ATP8A1: variants seen among roughly 807,000 people sequenced by gnomAD.
The protein encoded by ATP8A1 is phospholipid-transporting ATPase IA.
ATP8A1 carries 90 observed loss-of-function variants against 177.7 expected under a neutral mutation model. That is an observed-to-expected ratio of 0.51 (90% CI 0.43 to 0.60). The LOEUF (loss-of-function observed/expected upper bound fraction) is 0.60, where lower values mean the gene tolerates loss of function less well. Among genes scored for constraint, ATP8A1 ranks in the 20% least tolerant of loss-of-function variants. The pLI, the probability that ATP8A1 is intolerant of heterozygous loss-of-function variation, is 0.00. For missense variants in ATP8A1, 1,072 were observed against 1,392.8 expected, an observed-to-expected ratio of 0.77 and a Z score of 3.67; for synonymous variants, 493 against 485.9, an observed-to-expected ratio of 1.01 and a Z score of -0.19.
intron 20 of ATP8A1, among the ~76,000 whole-genome samples, chr4:42,525,340 C>T (rs545818976): frequency 2.6e-5 from 4 of 152,268 alleles, no homozygotes; most frequent in Admixed American, 6.5e-5. Context: ...GCCCCAAACT[C>T]GTTGAATCAC....
At chr4:42,502,776 T>A (rs1723982893) in intron 24 of ATP8A1, among the ~76,000 whole-genome samples, 1 of 152,246 alleles carries the variant, frequency 6.6e-6, no homozygotes, top group Non-Finnish European at 1.5e-5. Flanking sequence ...TGCGTCATAA[T>A]GACTATTTTA....
chr4:42,489,626 T>G (rs1722544017), intron 24 of ATP8A1, among the ~76,000 whole-genome samples: 1 of 152,240 alleles, frequency 6.6e-6, no homozygotes, highest in East Asian at 1.9e-4. Flanking sequence ...AGCTCTGTTG[T>G]TAGCTGTGTG....
In ATP8A1 at chr4:42,410,916, C is replaced by T. The variant is rs553146498; in HGVS notation, c.*2000G>A. 6.6e-6 allele frequency: 1 copy of T among 152,288 alleles called. No homozygotes were observed. Among genetic ancestry groups the T allele is most frequent in the South Asian group, 2.1e-4 (1 of 4,818 alleles). The allele number at this position is 152,288 out of a possible 1,614,324, so 9.4% of individuals were successfully genotyped here. A position where few individuals can be genotyped will look rare whatever the true frequency, so the allele number is the denominator to read the frequency against. On this transcript the variant is annotated 3_prime_UTR_variant, in exon 37 of 37. Transcript: ENST00000381668. ...CAGAATTAAACACTACAAAGTGTTT[C>T]TCTGGAGGGGTGCATTTCACTCTTG...
Position 42,422,818 on chromosome 4 carries a change from T to A in ATP8A1, c.3294A>T (p.Val1098=). ...ACTGTGTATTTTACCTTTTTCCAAGTACAACTGCTCCTGGGTCTTGAGATT... is the reference window on the plus strand; with the variant it reads ...ACTGTGTATTTTACCTTTTTCCAAGAACAACTGCTCCTGGGTCTTGAGATT... ...EAKSQDPGAV[V]LGKSLTERAQ... The change falls in exon 35 of 37, where the codon GTA becomes GTT. Residue 1098 remains valine, a synonymous_variant. Transcript: ENST00000381668. The A allele has an allele frequency of 6.2e-7, 1 of 1,612,494 alleles. No homozygotes were observed. The highest frequency in any genetic ancestry group is 8.5e-7 in the Non-Finnish European group (1 of 1,179,420).
At chr4:42,513,706 G>C (rs1405013645) in intron 22 of ATP8A1, among the ~76,000 whole-genome samples, 2 of 152,192 alleles carry the variant, frequency 1.3e-5, no homozygotes, top group South Asian at 4.1e-4. Flanking sequence ...GAAATGGAAA[G>C]GTCTGTGTGT....
At chr4:42,429,095 T>C (rs1181579440) in intron 33 of ATP8A1, among the ~76,000 whole-genome samples, 1 of 152,196 alleles carries the variant, frequency 6.6e-6, no homozygotes, top group Non-Finnish European at 1.5e-5. Context: ...AAACAGAGCC[T>C]GGGGACCCTG....
intron 15 of ATP8A1, among the ~76,000 whole-genome samples, chr4:42,558,458 T>C (rs532765821): frequency 6.6e-6 from 1 of 152,338 alleles, no homozygotes; most frequent in East Asian, 1.9e-4. Flanking sequence ...TGTCATATAA[T>C]TTGCAGCTTC....
At chr4:42,611,737 C>G (rs1577699604) in intron 5 of ATP8A1, among the ~76,000 whole-genome samples, 1 of 152,190 alleles carries the variant, frequency 6.6e-6, no homozygotes, top group South Asian at 2.1e-4. Context: ...AAAATAAAAA[C>G]TAGCTCAATC....
chr4:42,470,104 G>A (rs1266871015), intron 25 of ATP8A1, among the ~76,000 whole-genome samples: 2 of 152,014 alleles, frequency 1.3e-5, no homozygotes, highest in Non-Finnish European at 2.9e-5. Context: ...TTCTTCTTTG[G>A]TAGAAGAGAC....
chr4:42,503,602 C>A, intron 23 of ATP8A1, 88 bp from the exon 24 acceptor site: 1 of 852,078 alleles, frequency 1.2e-6, no homozygotes, highest in Non-Finnish European at 1.8e-6. Context: ...ATGAAAATAT[C>A]TAAAGATGAT....
In ATP8A1 at chr4:42,423,605, G is replaced by GTATATACTCAGT; in HGVS notation, c.3212+11_3212+12insACTGAGTATATA. On this transcript the variant is annotated intron_variant, in intron 34 of 36. Transcript: ENST00000381668. ...TCTATATTTCTCCGTATATAACTGA[G>GTATATACTCAGT]TATATACTTACACCTTGTACACCAC... The GTATATACTCAGT allele has an allele frequency of 6.4e-7, 1 of 1,567,068 alleles. No homozygotes were observed. Among genetic ancestry groups the GTATATACTCAGT allele is most frequent in the Non-Finnish European group, 8.8e-7 (1 of 1,140,196 alleles).
rs768401911 is a variant in ATP8A1, at chr4:42,446,634, A to G, written c.2907T>C (p.Phe969=). 3 of 1,613,874 alleles carry G rather than the reference A, an allele frequency of 1.9e-6. No homozygotes were observed. In the South Asian group the frequency reaches 3.3e-5, roughly 18 times the overall value. The part of the protein sequence containing the change: ...PLKALQYGTA[F]GNGKTSDYLL... ...GATAATCCGAGGTTTTCCCATTTCC[A>G]AATGCAGTACCTGTACGAAAAGGAG... The change falls in exon 31 of 37, where the codon TTT becomes TTC. Residue 969 remains phenylalanine (F), a synonymous_variant. Coordinates refer to ENST00000381668, the MANE Select transcript of ATP8A1 (RefSeq NM_006095.2).
At chr4:42,538,609 C>T (rs755190434) in intron 20 of ATP8A1, among the ~76,000 whole-genome samples, 2 of 152,110 alleles carry the variant, frequency 1.3e-5, no homozygotes, top group Non-Finnish European at 2.9e-5. Flanking sequence ...CATGAACAGA[C>T]AATCCTCAAA....
chr4:42,550,926 A>G (rs1371071898), intron 18 of ATP8A1, among the ~76,000 whole-genome samples: 2 of 152,218 alleles, frequency 1.3e-5, no homozygotes, highest in Non-Finnish European at 2.9e-5. Flanking sequence ...GGATAAACTA[A>G]AAGGATGGTG....
At chr4:42,596,903 C>T (rs1341397939) in intron 6 of ATP8A1, among the ~76,000 whole-genome samples, 2 of 152,104 alleles carry the variant, frequency 1.3e-5, no homozygotes, top group Non-Finnish European at 2.9e-5. Flanking sequence ...TAATCTGTGG[C>T]AAGAGCAATG....
In ATP8A1 at chr4:42,522,182, T is replaced by G; in HGVS notation, c.1925A>C (p.Glu642Ala). 1 of 1,612,256 alleles carries G rather than the reference T, an allele frequency of 6.2e-7. No individual in the cohort carries two copies. The highest frequency in any genetic ancestry group is 1.1e-5 in the South Asian group (1 of 90,536). The part of the protein sequence containing the change: ...SVQNRLLKLE[E>A]SYELIEKNLQ... ...TACCTTTTCAATCAACTCATAACTC[T>G]CTTCGAGTTTGAGTAGCCTGTTCTG... The change falls in exon 22 of 37, where the codon GAG becomes GCG. Residue 642 changes from glutamate (E) to alanine (A), a missense_variant. Around this residue, in one of 5 missense-constraint regions of ATP8A1, gnomAD observed 388 missense variants for 471.7 expected, o/e 0.82. Coordinates refer to ENST00000381668, the MANE Select transcript of ATP8A1 (RefSeq NM_006095.2).
chr4:42,481,967 TACTC>T (rs750740384), intron 25 of ATP8A1, among the ~76,000 whole-genome samples: 4 of 152,110 alleles, frequency 2.6e-5, no homozygotes, highest in East Asian at 1.9e-4. Context: ...TGCAGGTAAA[TACTC>T]ACAATGTTAA....
intron 33 of ATP8A1, among the ~76,000 whole-genome samples, chr4:42,436,497 T>C (rs1166507979): frequency 6.6e-6 from 1 of 152,224 alleles, no homozygotes; most frequent in African/African-American, 2.4e-5. Context: ...AGCATTTCCA[T>C]ATATACTTCT....
rs1306603922 is a variant in ATP8A1 at position 42,552,592 on chromosome 4, A to G, written c.1432T>C (p.Cys478Arg). The change falls in exon 17 of 37, where the codon TGT (cysteine) becomes CGT (arginine). Residue 478 changes from cysteine to arginine, a missense_variant. Physicochemically the swap from Cys to Arg is radical, Grantham distance 180. This residue lies in a region of ATP8A1 where 388 missense variants were observed against 471.7 expected (regional missense o/e 0.82). Transcript: ENST00000381668. ...ACTGCCATCATTGTAAGAAATTCAC[A>G]TATTATAGGTGCAGTTGGCTGTGAA... ...QNNHPTAPII[C>R]EFLTMMAVCH... is the part of the protein sequence containing the mutation. 2 of 1,613,504 alleles carry G rather than the reference A, an allele frequency of 1.2e-6. No individual in the cohort carries two copies. Among genetic ancestry groups the G allele is most frequent in the African/African-American group, 1.3e-5 (1 of 75,038 alleles).
Sources: allele counts gnomAD v4.1 joint callset (sites outside exome capture counted in the v4.1 genomes callset), GRCh38; gene constraint gnomAD v4.1.1; regional missense constraint gnomAD v4.1.1; transcripts MANE v1.5; gene names NCBI Gene and HGNC (gene_info 2026-07-23, HGNC 2026-07-21).